The following KCND2 variants were observed in gnomAD, a reference collection of about 807,000 sequenced individuals.
KCND2 encodes A-type voltage-gated potassium channel KCND2.
Under a neutral mutation model 54.4 loss-of-function variants are expected in KCND2, and 16 were observed. That is an observed-to-expected ratio of 0.29 (90% CI 0.20 to 0.45). The LOEUF (loss-of-function observed/expected upper bound fraction) is 0.45, where lower values mean the gene tolerates loss of function less well. Among genes scored for constraint, KCND2 ranks in the 20% least tolerant of loss-of-function variants. The probability of loss-of-function intolerance (pLI) is 1.00; values close to 1 mark genes in which losing one functional copy is unlikely to be tolerated. For missense variants in KCND2, 486 were observed against 824.2 expected (o/e 0.59, Z 5.02); for synonymous variants, 317 against 310.7 (o/e 1.02, Z -0.21).
At chr7:120,734,342 G>A (rs144239842) in intron 2 of KCND2, among the ~76,000 whole-genome samples, 6 of 152,200 alleles carry the variant, frequency 3.9e-5, no homozygotes, top group African/African-American at 1.4e-4. Context: ...GGCAACTTTA[G>A]GCTAAACTTG....
Position 120,324,302 on chromosome 7 carries a change from A to G in KCND2, c.1115+48555A>G, listed in dbSNP as rs1309154032. 3.5e-3 allele frequency among the ~76,000 whole-genome samples: 523 copies of G among 149,266 alleles called. 4 individuals carry two copies. Among genetic ancestry groups the G allele is most frequent in the African/African-American group, 0.012 (496 of 40,420 alleles). ...TTGCTGTGCAGAAGCTCTTTAGTTT[A>G]ATTAGATCCCATTTGTCAATTTTGG... is the stretch of plus-strand genomic sequence containing the variant. On this transcript the variant is annotated intron_variant, in intron 1 of 5. Coordinates refer to ENST00000331113, the MANE Select transcript of KCND2 (RefSeq NM_012281.3).
intron 1 of KCND2, among the ~76,000 whole-genome samples, chr7:120,417,408 T>G (rs1490163740): frequency 6.6e-6 from 1 of 152,142 alleles, no homozygotes; most frequent in Non-Finnish European, 1.5e-5. Context: ...TAGCTTTTCA[T>G]TTTTTCAGAT....
At chr7:120,451,631 G>A (rs1178029878) in intron 1 of KCND2, among the ~76,000 whole-genome samples, 1 of 152,122 alleles carries the variant, frequency 6.6e-6, no homozygotes, top group South Asian at 2.1e-4. Flanking sequence ...AATGAGTGAC[G>A]TAAGGTTTAT....
chr7:120,411,779 A>T (rs937558659), intron 1 of KCND2, among the ~76,000 whole-genome samples: 1 of 151,966 alleles, frequency 6.6e-6, no homozygotes, highest in Non-Finnish European at 1.5e-5. Flanking sequence ...CAGATGAAGA[A>T]ATTGGGTATT....
chr7:120,298,306 T>A (rs1799539546), intron 1 of KCND2, among the ~76,000 whole-genome samples: 1 of 152,186 alleles, frequency 6.6e-6, no homozygotes, highest in South Asian at 2.1e-4. Flanking sequence ...GGGAACTCAT[T>A]TAGCTGGAAC....
intron 1 of KCND2, among the ~76,000 whole-genome samples, chr7:120,376,417 T>C (rs1466140650): frequency 6.6e-6 from 1 of 151,432 alleles, no homozygotes; most frequent in African/African-American, 2.4e-5. Flanking sequence ...ATATGTTCAC[T>C]TACTGGTACT....
chr7:120,318,733 A>G (rs1259505650), intron 1 of KCND2, among the ~76,000 whole-genome samples: 1 of 152,076 alleles, frequency 6.6e-6, no homozygotes, highest in Non-Finnish European at 1.5e-5. Context: ...AATACCAGGA[A>G]CGAAATACTT....
intron 1 of KCND2, among the ~76,000 whole-genome samples, chr7:120,366,211 A>C (rs1051816780): frequency 6.6e-6 from 1 of 152,086 alleles, no homozygotes; most frequent in Non-Finnish European, 1.5e-5. Flanking sequence ...TTGGCTGGGC[A>C]CAGTGGCTTA....
chr7:120,538,583 C>A (rs1274075652), intron 1 of KCND2, among the ~76,000 whole-genome samples: 1 of 152,118 alleles, frequency 6.6e-6, no homozygotes, highest in East Asian at 1.9e-4. Flanking sequence ...GCTCTTGGGG[C>A]CACCAGCACT....
At chr7:120,315,472 G>A (rs1425546921) in intron 1 of KCND2, among the ~76,000 whole-genome samples, 1 of 152,026 alleles carries the variant, frequency 6.6e-6, no homozygotes, top group Non-Finnish European at 1.5e-5. Context: ...TTTTCCACAG[G>A]AAAGCAAAGG....
At chr7:120,549,595 A>C (rs1792081886) in intron 1 of KCND2, among the ~76,000 whole-genome samples, 1 of 152,182 alleles carries the variant, frequency 6.6e-6, no homozygotes, top group Non-Finnish European at 1.5e-5. Flanking sequence ...ATAACATTTA[A>C]AATAATTTCT....
chr7:120,515,182 T>A (rs565188765), intron 1 of KCND2, among the ~76,000 whole-genome samples: 54 of 152,176 alleles, frequency 3.5e-4, no homozygotes, highest in Non-Finnish European at 7.1e-4. Flanking sequence ...CTATACTTGC[T>A]CCTGCTTTCC....
chr7:120,335,464 CTTACTTAT>C (rs200329471), intron 1 of KCND2, among the ~76,000 whole-genome samples: 7,202 of 138,676 alleles, frequency 0.052, 587 homozygotes, highest in African/African-American at 0.19. Context: ...TATTTACTTA[CTTACTTAT>C]TTATTTATTT....
At chr7:120,677,881 C>T (rs1377974607) in intron 1 of KCND2, among the ~76,000 whole-genome samples, 1 of 151,996 alleles carries the variant, frequency 6.6e-6, no homozygotes, top group Non-Finnish European at 1.5e-5. Flanking sequence ...GAGATTCAAG[C>T]TTATTTCTAG....
intron 1 of KCND2, among the ~76,000 whole-genome samples, chr7:120,284,267 G>A (rs999621159): frequency 2.0e-5 from 3 of 151,806 alleles, no homozygotes; most frequent in Non-Finnish European, 4.4e-5. Context: ...AAGGATTCAT[G>A]GGGGCTAACA....
At chr7:120,583,714 C>T (rs1053563991) in intron 1 of KCND2, among the ~76,000 whole-genome samples, 1 of 150,016 alleles carries the variant, frequency 6.7e-6, no homozygotes, top group Middle Eastern at 3.2e-3. Context: ...TTAGCTCCTT[C>T]AAGGTCCTTT....
intron 4 of KCND2, among the ~76,000 whole-genome samples, chr7:120,743,961 A>T (rs1314214738): frequency 6.6e-6 from 1 of 152,192 alleles, no homozygotes; most frequent in Non-Finnish European, 1.5e-5. Context: ...TAAATGATAC[A>T]TTAATAATAA....
At chr7:120,364,611 G>A (rs142403136) in intron 1 of KCND2, among the ~76,000 whole-genome samples, 1 of 152,202 alleles carries the variant, frequency 6.6e-6, no homozygotes, top group African/African-American at 2.4e-5. Flanking sequence ...ATGGGCAACT[G>A]GGAATTTATA....
At chr7:120,677,072 C>T (rs751286334) in intron 1 of KCND2, among the ~76,000 whole-genome samples, 14 of 152,194 alleles carry the variant, frequency 9.2e-5, no homozygotes, top group Non-Finnish European at 1.0e-4. Flanking sequence ...AACTTGAAAA[C>T]TGCTATTCTT....
Sources: allele counts gnomAD v4.1 joint callset (sites outside exome capture counted in the v4.1 genomes callset), GRCh38; gene constraint gnomAD v4.1.1; transcripts MANE v1.5; gene names NCBI Gene and HGNC (gene_info 2026-07-23, HGNC 2026-07-21).